CWH43: variants seen among roughly 807,000 people sequenced by gnomAD.
CWH43 encodes PGAP2-interacting protein.
CWH43 carries 91 observed loss-of-function variants against 85.7 expected under a neutral mutation model. The ratio of observed to expected loss-of-function variants is 1.06; its 90% CI spans 0.90 to 1.26. The LOEUF is 1.26. Ranked by LOEUF, CWH43 falls within the 50% of genes most tolerant of loss-of-function variation. The pLI is 0.00. For missense variants in CWH43, 869 were observed against 839.2 expected, an observed-to-expected ratio of 1.04 and a Z score of -0.44; for synonymous variants, 323 against 293.6, an observed-to-expected ratio of 1.10 and a Z score of -1.02.
At chr4:49,004,394 C>T (rs545202061) in intron 7 of CWH43, among the ~76,000 whole-genome samples, 1 of 152,134 alleles carries the variant, frequency 6.6e-6, no homozygotes, top group African/African-American at 2.4e-5. Flanking sequence ...TTGGGGTTCC[C>T]CTGAATTTTA....
intron 8 of CWH43, among the ~76,000 whole-genome samples, chr4:49,011,880 A>C (rs1054122796): frequency 6.6e-6 from 1 of 152,204 alleles, no homozygotes; most frequent in African/African-American, 2.4e-5. Context: ...GGGTAACCCA[A>C]CATTTCTCTC....
chr4:49,004,067 T>A, intron 7 of CWH43, 75 bp downstream of exon 7: 1 of 1,306,032 alleles, frequency 7.7e-7, no homozygotes, highest in Non-Finnish European at 1.0e-6. Context: ...GATTTAGCAC[T>A]TTATGTAACT....
chr4:48,994,746 T>C lies in CWH43; in HGVS notation c.639T>C (p.Phe213=), dbSNP rs1782757631. Residue 213 remains phenylalanine, a synonymous_variant, in exon 5 of 16, where the codon TTT becomes TTC. Transcript: ENST00000226432. The part of the protein sequence containing the change: ...GSLVFLTHWV[F]GEVSLVSRWA... Reference sequence around the variant, plus strand: ...TTGTGTTCCTCACCCACTGGGTTTTTGGAGAAGTCTCTCTTGTTTCCAGAT... The same window carrying C: ...TTGTGTTCCTCACCCACTGGGTTTTCGGAGAAGTCTCTCTTGTTTCCAGAT... 1.2e-6 allele frequency: 2 copies of C among 1,614,152 alleles called. No individual in the cohort carries two copies. The highest frequency in any genetic ancestry group is 4.5e-5 in the East Asian group (2 of 44,888).
At chr4:49,005,409 A>G (rs894848883) in intron 7 of CWH43, among the ~76,000 whole-genome samples, 1 of 152,100 alleles carries the variant, frequency 6.6e-6, no homozygotes, top group African/African-American at 2.4e-5. Flanking sequence ...CTGCTGAAAT[A>G]TTAAAAACAC....
At chr4:48,989,417 G>A (rs1782588252) in intron 2 of CWH43, among the ~76,000 whole-genome samples, 1 of 152,070 alleles carries the variant, frequency 6.6e-6, no homozygotes, top group Non-Finnish European at 1.5e-5. Flanking sequence ...CAATTTAGCA[G>A]TATTATCAAA....
Position 48,988,545 on chromosome 4 carries a change from G to T in CWH43, c.112G>T (p.Glu38Ter), listed in dbSNP as rs1782561661. The T allele has an allele frequency of 1.2e-6, 2 of 1,613,086 alleles. No individual in the cohort carries two copies. The highest frequency in any genetic ancestry group is 2.7e-5 in the African/African-American group (2 of 74,748). ...CTATTACTTTCCTTTGCAAACACTA[G>T]AACTCACTGGGCTTGAAGGTTTTAG... is the stretch of plus-strand genomic sequence containing the variant. ...MIYYFPLQTL[E>*]LTGLEGFSIA... is the part of the protein sequence containing the mutation. The change falls in exon 2 of 16, where the codon GAA becomes TAA. Residue 38 changes from glutamate to a stop codon, truncating the protein, a stop_gained. Transcript: ENST00000226432. LOFTEE classifies it high-confidence loss of function.
chr4:49,051,131 C>T (rs930606949), intron 15 of CWH43, among the ~76,000 whole-genome samples: 2 of 152,250 alleles, frequency 1.3e-5, no homozygotes, highest in East Asian at 3.9e-4. Context: ...CTGTCACCTC[C>T]ACGATAGCTA....
chr4:49,047,290 T>A (rs1784653370), intron 14 of CWH43, among the ~76,000 whole-genome samples: 1 of 152,164 alleles, frequency 6.6e-6, no homozygotes, highest in African/African-American at 2.4e-5. Context: ...ATTCAACAAG[T>A]ATCGATCTAG....
At chr4:48,994,314 A>G (rs1191797341) in intron 4 of CWH43, among the ~76,000 whole-genome samples, 1 of 152,142 alleles carries the variant, frequency 6.6e-6, no homozygotes, top group Non-Finnish European at 1.5e-5. Context: ...ACAAACACAA[A>G]CACTTTTTCT....
chr4:49,043,099 T>A (rs1247847492), intron 13 of CWH43, among the ~76,000 whole-genome samples: 1 of 152,134 alleles, frequency 6.6e-6, no homozygotes, highest in Non-Finnish European at 1.5e-5. Flanking sequence ...CTGTGTGACC[T>A]TGGGGAAAGT....
At chr4:49,018,192 A>T (rs1049300465) in intron 9 of CWH43, among the ~76,000 whole-genome samples, 1 of 152,114 alleles carries the variant, frequency 6.6e-6, no homozygotes. Context: ...CTATTACAAC[A>T]ACACCAAAGG....
At chr4:49,018,760 G>C (rs1783640166) in intron 9 of CWH43, among the ~76,000 whole-genome samples, 1 of 152,160 alleles carries the variant, frequency 6.6e-6, no homozygotes, top group Non-Finnish European at 1.5e-5. Context: ...ATCTGTACTA[G>C]CGGGAACATT....
chr4:49,061,751 C>A, intron 15 of CWH43, 61 bp from the exon 16 acceptor site: 1 of 1,206,794 alleles, frequency 8.3e-7, no homozygotes. Flanking sequence ...TACATAAGAA[C>A]ATACCTTTCT....
intron 13 of CWH43, among the ~76,000 whole-genome samples, chr4:49,043,035 C>G (rs1320949152): frequency 6.6e-6 from 1 of 152,164 alleles, no homozygotes; most frequent in African/African-American, 2.4e-5. Context: ...GGACCTCTCT[C>G]TCTTCTCATG....
In CWH43 at chr4:48,994,477, G is replaced by A. The variant is rs559027846; in HGVS notation, c.512-142G>A. 9.1e-5 allele frequency: 60 copies of A among 659,956 alleles called. 1 individual carries two copies. The African/African-American group carries it at 9.7e-4, about 11-fold the overall frequency. The allele number at this position is 659,956 out of a possible 1,614,324, so 40.9% of individuals were successfully genotyped here. A position where few individuals can be genotyped will look rare whatever the true frequency, so the allele number is the denominator to read the frequency against. ...CTGTCAGCATGTTTAGCTTCATATTGTAGTTGCATGTCTCATCTCCTCTTC... is the reference window on the plus strand; with the variant it reads ...CTGTCAGCATGTTTAGCTTCATATTATAGTTGCATGTCTCATCTCCTCTTC... On this transcript the variant is annotated intron_variant, in intron 4 of 15. Transcript: ENST00000226432.
At chr4:49,017,435 C>A in intron 9 of CWH43, 107 bp downstream of exon 9, 1 of 729,476 alleles carries the variant, frequency 1.4e-6, no homozygotes. Flanking sequence ...ACTTCAGAGC[C>A]CTGGGCCCTA....
chr4:49,025,440 A>G (rs755727557), intron 9 of CWH43, among the ~76,000 whole-genome samples: 3 of 152,134 alleles, frequency 2.0e-5, no homozygotes, highest in Non-Finnish European at 2.9e-5. Flanking sequence ...GTTTTGCCAT[A>G]TTAATAGAAT....
Position 49,016,795 on chromosome 4 carries a change from G to C in CWH43, c.1187-454G>C. 3.9e-6 allele frequency: 3 copies of C among 776,292 alleles called. No homozygotes were observed. In the East Asian group the frequency reaches 7.3e-5, roughly 19 times the overall value. The allele number at this position is 776,292 out of a possible 1,614,324, so 48.1% of individuals were successfully genotyped here. ...TTCCCAATGCAGGTGATTACTCCAA[G>C]TCCCTCTGCCAGAGCACGGGCCACT... On this transcript the variant is annotated intron_variant, in intron 8 of 15. Coordinates refer to ENST00000226432, the MANE Select transcript of CWH43 (RefSeq NM_025087.3).
intron 15 of CWH43, among the ~76,000 whole-genome samples, chr4:49,055,933 A>T (rs1415145224): frequency 5.0e-5 from 7 of 140,022 alleles, no homozygotes; most frequent in Admixed American, 7.1e-5. Flanking sequence ...TTTTTATTAT[A>T]CTCTAAGTTT....
Sources: gnomAD v4.1 joint callset for allele counts (sites outside exome capture counted in the v4.1 genomes callset) on GRCh38, gnomAD v4.1.1 for gene constraint, MANE v1.5 for transcripts, NCBI Gene and HGNC (gene_info 2026-07-23, HGNC 2026-07-21) for gene names.